Variants in PCBD2 observed in about 807,000 individuals in gnomAD.
The protein encoded by PCBD2 is pterin-4 alpha-carbinolamine dehydratase 2.
In PCBD2, 12 loss-of-function variants were observed where a neutral mutation model predicts 16.4. The ratio of observed to expected loss-of-function variants is 0.73; its 90% confidence interval spans 0.47 to 1.19. PCBD2 has a LOEUF of 1.19. Ranked by LOEUF, PCBD2 falls within the 50% of genes most tolerant of loss-of-function variation. The probability of loss-of-function intolerance (pLI) is 0.00; values close to 1 mark genes in which losing one functional copy is unlikely to be tolerated. For synonymous variants in PCBD2, 58 were observed against 61.8 expected (o/e 0.94, Z 0.29); for missense variants, 138 against 156.8 (o/e 0.88, Z 0.64).
chr5:134,923,156 C>A (rs111871226), intron 2 of PCBD2: 20 of 152,410 alleles, frequency 1.3e-4, no homozygotes. Context: ...CAAGGTCTCA[C>A]AGCTAGTAAG....
intron 2 of PCBD2, chr5:134,924,159 G>A (rs1423473732): frequency 2.5e-6 from 1 of 397,644 alleles, no homozygotes; most frequent in Non-Finnish European, 4.5e-6. Flanking sequence ...TGTGGGTTTA[G>A]TAATGGGGTT....
intron 1 of PCBD2, among the ~76,000 whole-genome samples, chr5:134,906,891 C>G (rs982423567): frequency 6.6e-6 from 1 of 152,208 alleles, no homozygotes; most frequent in African/African-American, 2.4e-5. Context: ...CCCCCCATCC[C>G]CTGAAAAAAT....
chr5:134,946,119 A>C (rs1350295744), intron 2 of PCBD2, among the ~76,000 whole-genome samples: 5 of 151,474 alleles, frequency 3.3e-5, no homozygotes, highest in Admixed American at 2.0e-4. Flanking sequence ...AAAACAAAAA[A>C]TCCCTACTTT....
chr5:134,927,405 C>T (rs1751023484), intron 2 of PCBD2: 1 of 398,228 alleles, frequency 2.5e-6, no homozygotes, highest in Non-Finnish European at 4.4e-6. Flanking sequence ...TAGGTGGAGA[C>T]CGTAAAGAGG....
At chr5:134,946,999 G>A (rs901134490) in intron 2 of PCBD2, among the ~76,000 whole-genome samples, 1 of 152,022 alleles carries the variant, frequency 6.6e-6, no homozygotes, top group Non-Finnish European at 1.5e-5. Context: ...ATTATGTAGT[G>A]TTAGTAGTAG....
At chr5:134,915,737 C>T (rs796805301) in intron 2 of PCBD2, among the ~76,000 whole-genome samples, 3 of 152,130 alleles carry the variant, frequency 2.0e-5, no homozygotes, top group Admixed American at 6.5e-5. Flanking sequence ...AGGCATGAGC[C>T]GCTGCACCAG....
At chr5:134,954,007 G>A (rs532399627) in intron 2 of PCBD2, among the ~76,000 whole-genome samples, 7 of 152,106 alleles carry the variant, frequency 4.6e-5, no homozygotes, top group East Asian at 3.9e-4. Flanking sequence ...CCAGGTTGGC[G>A]TGCAGTGGAG....
At chr5:134,924,115 C>A in intron 2 of PCBD2, 2 of 397,936 alleles carry the variant, frequency 5.0e-6, no homozygotes. Flanking sequence ...GTAGCCCGTG[C>A]AAGAATAATG....
intron 2 of PCBD2, chr5:134,923,800 C>T (rs1388054533): frequency 1.5e-5 from 6 of 393,264 alleles, no homozygotes; most frequent in Non-Finnish European, 2.7e-5. Flanking sequence ...GCGCCATTGG[C>T]GTGAAGGTAG....
At chr5:134,922,189 T>C (rs370775900) in intron 2 of PCBD2, among the ~76,000 whole-genome samples, 10 of 152,132 alleles carry the variant, frequency 6.6e-5, no homozygotes, top group African/African-American at 2.4e-4. Flanking sequence ...TTCATCTCAG[T>C]TCAGTGGTTT....
intron 2 of PCBD2, among the ~76,000 whole-genome samples, chr5:134,913,715 A>G (rs1015523076): frequency 3.3e-5 from 5 of 152,200 alleles, no homozygotes; most frequent in Non-Finnish European, 5.9e-5. Context: ...ACACTGTTGC[A>G]GATGTCTAGA....
At position 134,910,436 on chromosome 5, in the gene PCBD2, C is replaced by T. The variant is rs779158462; in HGVS notation, c.186C>T (p.Tyr62=). Residue 62 remains tyrosine (Y), a synonymous_variant, in exon 2 of 4, where the codon TAC becomes TAT. Coordinates refer to ENST00000254908, the MANE Select transcript of PCBD2 (RefSeq NM_032151.5). ...AATTAAGTGAGAGAGATGCCATCTA[C>T]AAAGAATTCTCCTTCCACAATTTTA... ...WSELSERDAI[Y]KEFSFHNFNQ... 1 of 1,614,174 alleles carries T rather than the reference C, an allele frequency of 6.2e-7. No individual in the cohort carries two copies. The highest frequency in any genetic ancestry group is 8.5e-7 in the Non-Finnish European group (1 of 1,179,998).
At chr5:134,906,728 G>A (rs1404468411) in intron 1 of PCBD2, among the ~76,000 whole-genome samples, 1 of 152,142 alleles carries the variant, frequency 6.6e-6, no homozygotes, top group East Asian at 1.9e-4. Flanking sequence ...TGTAATCTAA[G>A]CCTTTCAAAA....
chr5:134,954,993 C>T (rs1172857555), intron 2 of PCBD2, among the ~76,000 whole-genome samples: 5 of 151,914 alleles, frequency 3.3e-5, no homozygotes, highest in East Asian at 3.9e-4. Context: ...GCGCCTGCCT[C>T]GGCTTCCCAA....
At chr5:134,934,219 G>T (rs1258912940) in intron 2 of PCBD2, among the ~76,000 whole-genome samples, 1 of 152,002 alleles carries the variant, frequency 6.6e-6, no homozygotes, top group African/African-American at 2.4e-5. Flanking sequence ...TTGTCTCTGG[G>T]TGATATTGCT....
At chr5:134,926,332 G>A (rs1296135610) in intron 2 of PCBD2, 2 of 367,836 alleles carry the variant, frequency 5.4e-6, no homozygotes. Flanking sequence ...AATAACAAGG[G>A]TGGATGCGAT....
At chr5:134,943,727 G>A (rs944842027) in intron 2 of PCBD2, among the ~76,000 whole-genome samples, 10 of 152,168 alleles carry the variant, frequency 6.6e-5, no homozygotes, top group African/African-American at 2.2e-4. Context: ...GGAATGCAGT[G>A]TGGACTGCAG....
intron 2 of PCBD2, among the ~76,000 whole-genome samples, chr5:134,934,550 G>T (rs1456595930): frequency 6.6e-6 from 1 of 152,168 alleles, no homozygotes; most frequent in Non-Finnish European, 1.5e-5. Context: ...TGTAGCCACG[G>T]TATTCATAAC....
At chr5:134,936,190 T>C (rs1453724522) in intron 2 of PCBD2, among the ~76,000 whole-genome samples, 1 of 152,236 alleles carries the variant, frequency 6.6e-6, no homozygotes, top group African/African-American at 2.4e-5. Flanking sequence ...TTAGGATCAG[T>C]TGAGCCCCGT....
Sources: allele counts gnomAD v4.1 joint callset (sites outside exome capture counted in the v4.1 genomes callset), GRCh38; gene constraint gnomAD v4.1.1; transcripts MANE v1.5; gene names NCBI Gene and HGNC (gene_info 2026-07-23, HGNC 2026-07-21).